Variants in ARMH4 observed in about 807,000 individuals in gnomAD.
The protein encoded by ARMH4 is armadillo-like helical domain-containing protein 4.
In ARMH4, 49 loss-of-function variants were observed where a neutral mutation model predicts 61.9. The ratio of observed to expected loss-of-function variants is 0.79; its 90% CI spans 0.63 to 1.00. ARMH4 has a LOEUF of 1.00. Among genes scored for constraint, ARMH4 ranks in the 50% least tolerant of loss-of-function variants. The probability of loss-of-function intolerance (pLI) is 0.00; values close to 1 mark genes in which losing one functional copy is unlikely to be tolerated. For missense variants in ARMH4, 934 were observed against 930.0 expected, an observed-to-expected ratio of 1.00 and a Z score of -0.06; for synonymous variants, 368 against 341.5, an observed-to-expected ratio of 1.08 and a Z score of -0.85.
At chr14:58,025,905 T>C (rs1220563925) in intron 5 of ARMH4, among the ~76,000 whole-genome samples, 1 of 152,094 alleles carries the variant, frequency 6.6e-6, no homozygotes, top group Non-Finnish European at 1.5e-5. Context: ...TAAGAAGCAA[T>C]TAATTCTGAA....
chr14:58,138,821 T>A lies in ARMH4; in HGVS notation c.538A>T (p.Thr180Ser), dbSNP rs1342229431. Residue 180 changes from threonine to serine, a missense_variant, in exon 2 of 8, where the codon ACA (threonine) becomes TCA (serine). Thr to Ser is a moderately conservative substitution (Grantham distance 58). Transcript: ENST00000267485. Reference protein sequence around the residue: ...QPIVEEITETTKGFLKYMDNQ... With the variant: ...QPIVEEITETSKGFLKYMDNQ... ...TCCATATACTTCAGAAAACCTTTTG[T>A]GGTTTCTGTGATCTCTTCTACAATG... is the stretch of plus-strand genomic sequence containing the variant. The A allele has an allele frequency of 2.5e-6, 4 of 1,614,102 alleles. No homozygotes were observed. In the South Asian group the frequency reaches 4.4e-5, roughly 18 times the overall value.
chr14:58,028,419 T>C (rs1257840496), intron 5 of ARMH4, among the ~76,000 whole-genome samples: 1 of 152,190 alleles, frequency 6.6e-6, no homozygotes, highest in Non-Finnish European at 1.5e-5. Context: ...CATCAAGAAG[T>C]CAAGGCTGGG....
At chr14:58,151,614 GCT>G (rs1423830731) in intron 1 of ARMH4, among the ~76,000 whole-genome samples, 3 of 152,254 alleles carry the variant, frequency 2.0e-5, no homozygotes, top group Admixed American at 6.5e-5. Flanking sequence ...CGATTGTTAG[GCT>G]CTGAGTGGCA....
In ARMH4 at chr14:58,138,324, T is replaced by C; in HGVS notation, c.1035A>G (p.Thr345=). 1 of 1,614,246 alleles carries C rather than the reference T, an allele frequency of 6.2e-7. No homozygotes were observed. Among genetic ancestry groups the C allele is most frequent in the South Asian group, 1.1e-5 (1 of 91,074 alleles). ...CCATACCCTCATGGCTTACTTGTGCTGTCTGAGACATCTCCGTTCTCACCT... is the reference window on the plus strand; with the variant it reads ...CCATACCCTCATGGCTTACTTGTGCCGTCTGAGACATCTCCGTTCTCACCT... ...ETQVRTEMSQ[T]AQVSHEGMEG... The change falls in exon 2 of 8, where the codon ACA becomes ACG. Residue 345 remains threonine (T), a synonymous_variant. Coordinates refer to ENST00000267485, the MANE Select transcript of ARMH4 (RefSeq NM_001001872.4).
chr14:58,047,148 T>A (rs1033394621), intron 5 of ARMH4, among the ~76,000 whole-genome samples: 1 of 152,214 alleles, frequency 6.6e-6, no homozygotes, highest in African/African-American at 2.4e-5. Flanking sequence ...CATCATTGCA[T>A]AATAATACGA....
chr14:58,074,423 T>C lies in ARMH4; in HGVS notation c.2089+22301A>G, dbSNP rs149045267. ...ATTATATTCATTAAACTGAAGCTTC[T>C]CTCCGCTTTGGCAGTGGATGCAACA... On this transcript the variant is annotated intron_variant, in intron 5 of 7. Coordinates refer to ENST00000267485, the MANE Select transcript of ARMH4 (RefSeq NM_001001872.4). 4.8e-3 allele frequency among the ~76,000 whole-genome samples: 737 copies of C among 152,114 alleles called. 3 individuals are homozygous for C. The highest frequency in any genetic ancestry group is 0.017 in the African/African-American group (700 of 41,520).
chr14:58,134,771 A>G (rs1196512373), intron 2 of ARMH4, among the ~76,000 whole-genome samples: 1 of 151,942 alleles, frequency 6.6e-6, no homozygotes, highest in African/African-American at 2.4e-5. Context: ...CCTGGCCAAT[A>G]TTGTGAAACC....
chr14:58,021,823 T>A (rs902207890), intron 5 of ARMH4, among the ~76,000 whole-genome samples: 3 of 152,190 alleles, frequency 2.0e-5, no homozygotes, highest in Admixed American at 6.5e-5. Flanking sequence ...GAGGACATTT[T>A]CACATTTCAT....
intron 5 of ARMH4, among the ~76,000 whole-genome samples, chr14:58,047,168 C>A (rs1831313006): frequency 6.6e-6 from 1 of 152,166 alleles, no homozygotes; most frequent in Non-Finnish European, 1.5e-5. Flanking sequence ...ACCGTAAACA[C>A]AATGCAAATG....
At chr14:58,120,177 G>A (rs541515523) in intron 4 of ARMH4, among the ~76,000 whole-genome samples, 2 of 152,234 alleles carry the variant, frequency 1.3e-5, no homozygotes, top group African/African-American at 4.8e-5. Flanking sequence ...GTAGGCAACT[G>A]TAACACAATG....
At position 58,032,979 on chromosome 14, in the gene ARMH4, G is replaced by C. The variant is rs1053210813; in HGVS notation, c.2090-20829C>G. On this transcript the variant is annotated intron_variant, in intron 5 of 7. Transcript: ENST00000267485. Reference sequence around the variant, plus strand: ...AGGCGGCAACGAGGCTGGGGGAGGGGCGCCCGCCATTGCCCAGGCTTGCTT... The same window carrying C: ...AGGCGGCAACGAGGCTGGGGGAGGGCCGCCCGCCATTGCCCAGGCTTGCTT... 2.7e-4 allele frequency among the ~76,000 whole-genome samples: 39 copies of C among 144,778 alleles called. No homozygotes were observed. The South Asian group carries it at 4.8e-3, about 18-fold the overall frequency. 95.0% of individuals were successfully genotyped at this position (144,778 alleles called of 152,430 possible).
chr14:58,099,589 C>T (rs1594756118), intron 4 of ARMH4, among the ~76,000 whole-genome samples: 1 of 152,108 alleles, frequency 6.6e-6, no homozygotes, highest in Non-Finnish European at 1.5e-5. Flanking sequence ...ACACAACAAA[C>T]AAACAAAAAA....
At position 58,096,704 on chromosome 14, in the gene ARMH4, G is replaced by A; in HGVS notation, c.2089+20C>T. On this transcript the variant is annotated intron_variant, in intron 5 of 7. Coordinates refer to ENST00000267485, the MANE Select transcript of ARMH4 (RefSeq NM_001001872.4). ...AAGGAGGGGAGAAGGGAGGAAAAGG[G>A]AAATACACATGACTCTTACCCAGGC... The A allele has an allele frequency of 6.2e-7, 1 of 1,605,766 alleles. No homozygotes were observed. The highest frequency in any genetic ancestry group is 8.5e-7 in the Non-Finnish European group (1 of 1,173,652).
At chr14:58,023,785 A>C (rs1322242883) in intron 5 of ARMH4, among the ~76,000 whole-genome samples, 2 of 152,250 alleles carry the variant, frequency 1.3e-5, no homozygotes, top group African/African-American at 4.8e-5. Context: ...CATGAACTGC[A>C]GAATGGACAT....
At chr14:58,074,693 G>A (rs1017080781) in intron 5 of ARMH4, among the ~76,000 whole-genome samples, 4 of 152,048 alleles carry the variant, frequency 2.6e-5, no homozygotes, top group East Asian at 1.9e-4. Context: ...TGCAATAGAC[G>A]TAAATAGCCT....
At position 58,051,089 on chromosome 14, in the gene ARMH4, T is replaced by C. The variant is rs561928723; in HGVS notation, c.2090-38939A>G. 3.3e-5 allele frequency among the ~76,000 whole-genome samples: 5 copies of C among 151,430 alleles called. No homozygotes were observed. In the South Asian group the frequency reaches 1.0e-3, roughly 32 times the overall value. ...GCAACTATGGTTGATCAGGCACCCA[T>C]ACGAGATTCAAGGATCTATTTGGGG... is the stretch of plus-strand genomic sequence containing the variant. On this transcript the variant is annotated intron_variant, in intron 5 of 7. Coordinates refer to ENST00000267485, the MANE Select transcript of ARMH4 (RefSeq NM_001001872.4).
At chr14:58,059,148 A>C (rs963669530) in intron 5 of ARMH4, among the ~76,000 whole-genome samples, 5 of 152,258 alleles carry the variant, frequency 3.3e-5, no homozygotes, top group African/African-American at 1.2e-4. Context: ...TCTATCCAAA[A>C]GATGCAAAGA....
At chr14:58,043,980 GA>G (rs1224438606) in intron 5 of ARMH4, among the ~76,000 whole-genome samples, 1 of 152,130 alleles carries the variant, frequency 6.6e-6, no homozygotes, top group Non-Finnish European at 1.5e-5. Flanking sequence ...CAAACAAATG[GA>G]AGAACATTCC....
chr14:58,059,974 G>A (rs571128603), intron 5 of ARMH4, among the ~76,000 whole-genome samples: 2 of 152,270 alleles, frequency 1.3e-5, no homozygotes, highest in South Asian at 4.2e-4. Flanking sequence ...ACAGGTTTAA[G>A]CCATGTTGTC....
Sources: gnomAD v4.1 joint callset for allele counts (sites outside exome capture counted in the v4.1 genomes callset) on GRCh38, gnomAD v4.1.1 for gene constraint, MANE v1.5 for transcripts, NCBI Gene and HGNC (gene_info 2026-07-23, HGNC 2026-07-21) for gene names.